Variants in CUX2 observed in about 807,000 individuals in gnomAD.
CUX2 encodes the protein cut like homeobox 2, also known as homeobox protein cut-like 2.
Under a neutral mutation model 144.8 loss-of-function variants are expected in CUX2, and 40 were observed. The observed-to-expected ratio is 0.28, with a 90% CI of 0.21 to 0.36. The LOEUF (loss-of-function observed/expected upper bound fraction) is 0.36. Ranked by LOEUF, CUX2 falls within the 10% of genes least tolerant of loss-of-function variation. CUX2 has a pLI of 1.00. For missense variants in CUX2, 1,615 were observed against 1,994.0 expected (o/e 0.81, Z 3.62); for synonymous variants, 827 against 875.6 (o/e 0.94, Z 0.98).
chr12:111,139,734 T>A (rs1316509335), intron 1 of CUX2, among the ~76,000 whole-genome samples: 1 of 152,202 alleles, frequency 6.6e-6, no homozygotes, highest in Non-Finnish European at 1.5e-5. Flanking sequence ...GTTCCTTCCA[T>A]GGGGCTGAGC....
intron 3 of CUX2, among the ~76,000 whole-genome samples, chr12:111,240,166 A>G (rs1882953299): frequency 1.3e-5 from 2 of 152,368 alleles, no homozygotes; most frequent in South Asian, 4.1e-4. Flanking sequence ...CTCACAGCCA[A>G]TGGTGGAGCT....
At chr12:111,334,856 G>A (rs1433322040) in intron 19 of CUX2, 146 bp downstream of exon 19, 8 of 910,408 alleles carry the variant, frequency 8.8e-6, no homozygotes, top group Non-Finnish European at 1.1e-5. Flanking sequence ...ATCGCTTGAG[G>A]CCAGGAGTTT....
chr12:111,344,301 CAT>C (rs1565936210), intron 21 of CUX2, among the ~76,000 whole-genome samples: 2 of 152,106 alleles, frequency 1.3e-5, no homozygotes, highest in Non-Finnish European at 2.9e-5. Context: ...ATCTTACAGT[CAT>C]AAAACAGAAC....
chr12:111,258,469 C>T (rs944276199), intron 3 of CUX2, among the ~76,000 whole-genome samples: 5 of 149,150 alleles, frequency 3.4e-5, no homozygotes, highest in African/African-American at 9.9e-5. Flanking sequence ...GCTGAGATTG[C>T]GCCACTGCAC....
At chr12:111,204,352 ACCACATGCT>A (rs1880785834) in intron 1 of CUX2, among the ~76,000 whole-genome samples, 2 of 152,116 alleles carry the variant, frequency 1.3e-5, no homozygotes, top group African/African-American at 4.8e-5. Context: ...TCCCCATGTA[ACCACATGCT>A]CCATGTGCGC....
intron 1 of CUX2, among the ~76,000 whole-genome samples, chr12:111,198,742 G>A (rs552035383): frequency 6.6e-6 from 1 of 152,230 alleles, no homozygotes; most frequent in Non-Finnish European, 1.5e-5. Context: ...GGCAGCACTG[G>A]GGGGGATGGG....
intron 3 of CUX2, among the ~76,000 whole-genome samples, chr12:111,253,161 C>T (rs73414585): frequency 0.063 from 9,513 of 152,118 alleles, 1,021 homozygotes; most frequent in African/African-American, 0.22. Flanking sequence ...GTCCCTTCTC[C>T]GCACAACAGC....
intron 1 of CUX2, among the ~76,000 whole-genome samples, chr12:111,163,777 A>G (rs2136155007): frequency 6.6e-6 from 1 of 152,300 alleles, no homozygotes; most frequent in South Asian, 2.1e-4. Flanking sequence ...CCCTGAATCC[A>G]GCCAGGAGGA....
intron 9 of CUX2, among the ~76,000 whole-genome samples, 178 bp downstream of exon 9, chr12:111,298,767 A>C (rs1592935004): frequency 6.6e-6 from 1 of 152,176 alleles, no homozygotes; most frequent in Admixed American, 6.5e-5. Context: ...TGCCCTCCCC[A>C]AGCTCCCAGG....
At position 111,310,311 on chromosome 12, in the gene CUX2, C is replaced by G. The variant is rs1403158831; in HGVS notation, c.1529C>G (p.Ala510Gly). ...GGCGGCCTGCTGGTGTTCCCCCCAG[C>G]CTTCTATGGCGCCAAGCCCCCCACA... ...EAGGLLVFPP[A>G]FYGAKPPTAP... is the part of the protein sequence containing the mutation. Residue 510 changes from alanine (A) to glycine (G), a missense_variant, in exon 15 of 22, where the codon GCC becomes GGC. By Grantham distance (60) the Ala-to-Gly change is moderately conservative. This residue lies in a region of CUX2 where 154 missense variants were observed against 148.4 expected (regional missense o/e 1.04). Transcript: ENST00000261726. The surrounding 1 kb of genome is among the most constrained non-coding windows in gnomAD (Gnocchi z 7.9). 2.7e-6 allele frequency: 4 copies of G among 1,503,468 alleles called. No homozygotes were observed. The African/African-American group carries it at 4.1e-5, about 16-fold the overall frequency. The allele number at this position is 1,503,468 out of a possible 1,614,324, so 93.1% of individuals were successfully genotyped here.
chr12:111,138,057 G>A (rs971981929), intron 1 of CUX2, among the ~76,000 whole-genome samples: 2 of 152,176 alleles, frequency 1.3e-5, no homozygotes, highest in African/African-American at 4.8e-5. Flanking sequence ...TGAAAAGGTG[G>A]GGTCTCCAGC....
intron 1 of CUX2, among the ~76,000 whole-genome samples, chr12:111,097,371 C>G (rs1217628519): frequency 6.6e-6 from 1 of 152,218 alleles, no homozygotes; most frequent in Non-Finnish European, 1.5e-5. Context: ...TGACACACTG[C>G]TCACCTGCTT....
At chr12:111,080,632 A>G (rs1871835014) in intron 1 of CUX2, among the ~76,000 whole-genome samples, 1 of 152,002 alleles carries the variant, frequency 6.6e-6, no homozygotes. Context: ...TGATCGTACC[A>G]CTGCACTCCA....
At chr12:111,112,891 G>T (rs1176640093) in intron 1 of CUX2, among the ~76,000 whole-genome samples, 1 of 152,218 alleles carries the variant, frequency 6.6e-6, no homozygotes, top group Non-Finnish European at 1.5e-5. Flanking sequence ...CAGCACCACT[G>T]TGCTCACCCC....
At chr12:111,203,168 G>T (rs1489714625) in intron 1 of CUX2, among the ~76,000 whole-genome samples, 1 of 148,392 alleles carries the variant, frequency 6.7e-6, no homozygotes, top group Non-Finnish European at 1.5e-5. Context: ...GGAGGCGGAG[G>T]TTGAAGTGAG....
chr12:111,105,058 C>T (rs1341129856), intron 1 of CUX2, among the ~76,000 whole-genome samples: 1 of 152,196 alleles, frequency 6.6e-6, no homozygotes, highest in African/African-American at 2.4e-5. Flanking sequence ...AGGAGCCGTC[C>T]TTGGCTGATC....
chr12:111,122,579 A>T (rs535504340), intron 1 of CUX2, among the ~76,000 whole-genome samples: 1 of 152,316 alleles, frequency 6.6e-6, no homozygotes, highest in South Asian at 2.1e-4. Context: ...TTTTGTTGTT[A>T]TGGAAAGCCA....
At chr12:111,311,202 G>A (rs138336059) in intron 15 of CUX2, among the ~76,000 whole-genome samples, 1 of 152,166 alleles carries the variant, frequency 6.6e-6, no homozygotes, top group African/African-American at 2.4e-5. Flanking sequence ...AGGATTAAAC[G>A]GGCATCAAGC....
In CUX2 at chr12:111,289,796, G is replaced by A. The variant is rs1885576999; in HGVS notation, c.302-1622G>A. On this transcript the variant is annotated intron_variant, in intron 4 of 21. Coordinates refer to ENST00000261726, the MANE Select transcript of CUX2 (RefSeq NM_015267.4). The surrounding 1 kb of genome is among the most constrained non-coding windows in gnomAD (Gnocchi z 4.1). ...ATGGTGTCACCAGGTCCACCGAGAA[G>A]CACACCAAGGATTACATGGGAGAGG... is the stretch of plus-strand genomic sequence containing the variant. Among the ~76,000 whole-genome samples, 1 of 152,012 alleles carries A rather than the reference G, an allele frequency of 6.6e-6. No individual in the cohort carries two copies. Among genetic ancestry groups the A allele is most frequent in the South Asian group, 2.1e-4 (1 of 4,810 alleles).
Sources: gnomAD v4.1 joint callset for allele counts (sites outside exome capture counted in the v4.1 genomes callset) on GRCh38, gnomAD v4.1.1 for gene constraint, gnomAD v4.1.1 regional missense constraint, Gnocchi (gnomAD v3.1) non-coding constraint, MANE v1.5 for transcripts, NCBI Gene and HGNC (gene_info 2026-07-23, HGNC 2026-07-21) for gene names.